PLPPR2: variants seen among roughly 807,000 people sequenced by gnomAD.
PLPPR2 encodes the protein phospholipid phosphatase-related protein type 2.
Under a neutral mutation model 40.3 loss-of-function variants are expected in PLPPR2, and 11 were observed. The observed-to-expected ratio is 0.27, with a 90% CI of 0.17 to 0.45. The LOEUF (loss-of-function observed/expected upper bound fraction) is 0.45. Ranked by LOEUF, PLPPR2 falls within the 20% of genes least tolerant of loss-of-function variation. The probability of loss-of-function intolerance (pLI) is 1.00; values close to 1 mark genes in which losing one functional copy is unlikely to be tolerated. For synonymous variants in PLPPR2, 260 were observed against 290.8 expected (o/e 0.89, Z 1.08); for missense variants, 497 against 640.7 (o/e 0.78, Z 2.42).
rs770838875 is a variant in PLPPR2, at chr19:11,362,707, C to T, written c.840+18C>T. 2.6e-5 allele frequency: 41 copies of T among 1,605,026 alleles called. No homozygotes were observed. The highest frequency in any genetic ancestry group is 3.5e-5 in the Non-Finnish European group (41 of 1,174,782). On this transcript the variant is annotated intron_variant, in intron 7 of 9. Transcript: ENST00000688289. The surrounding 1 kb of genome is among the most constrained non-coding windows in gnomAD (Gnocchi z 5.3). The stretch of plus-strand genomic sequence containing the variant: ...CCTTTTTGGTGAGTTGCCTCCTCAA[C>T]CTTCCCAGCATGGAAGACCCTCACC...
In PLPPR2 at chr19:11,359,492, T is replaced by C. The variant is rs1448010051; in HGVS notation, c.67-40T>C. 6.7e-7 allele frequency: 1 copy of C among 1,500,466 alleles called. No homozygotes were observed. The highest frequency in any genetic ancestry group is 2.4e-5 in the East Asian group (1 of 41,706). 92.9% of individuals were successfully genotyped at this position (1,500,466 alleles called of 1,614,324 possible). A position where few individuals can be genotyped will look rare whatever the true frequency, so the allele number is the denominator to read the frequency against. The stretch of plus-strand genomic sequence containing the variant: ...TCAGCTGGAGTCCTGACCTCTCTCT[T>C]CTCTCTCCGCCACCTCTCCCCGCCC... On this transcript the variant is annotated intron_variant, in intron 3 of 9. Transcript: ENST00000688289. The surrounding 1 kb of genome is among the most constrained non-coding windows in gnomAD (Gnocchi z 5.6).
rs1967957744 is a variant in PLPPR2 at position 11,358,625 on chromosome 19, T to C, written c.66+886T>C. Among the ~76,000 whole-genome samples the C allele has an allele frequency of 2.0e-5, 3 of 150,824 alleles. No homozygotes were observed. The East Asian group carries it at 5.8e-4, about 29-fold the overall frequency. On this transcript the variant is annotated intron_variant, in intron 3 of 9. Coordinates refer to ENST00000688289, the MANE Select transcript of PLPPR2 (RefSeq NM_001393892.1). ...CCTTTCCCTTCTCTTTCCTCTTGCT[T>C]TCTCCTCTTCTCCCCTCCTTTCCTG...
At position 11,362,534 on chromosome 19, in the gene PLPPR2, C is replaced by G. The variant is rs1333309746; in HGVS notation, c.685C>G (p.Arg229Gly). ...YTAMYVTLVFRVKGSRLVKPS... is the reference protein window; with the variant it reads ...YTAMYVTLVFGVKGSRLVKPS... ...GCAGATGTACGTGACTCTCGTGTTC[C>G]GCGTGAAGGGCTCCCGCCTGGTCAA... The change falls in exon 7 of 10, where the codon CGC (arginine) becomes GGC (glycine). Residue 229 changes from arginine (R) to glycine (G), a missense_variant. By Grantham distance (125) the Arg-to-Gly change is moderately radical (BLOSUM62 -2). Coordinates refer to ENST00000688289, the MANE Select transcript of PLPPR2 (RefSeq NM_001393892.1). This position sits in a 1 kb window ranked among gnomAD's most constrained non-coding sequence, Gnocchi z 5.3. 1 of 1,610,820 alleles carries G rather than the reference C, an allele frequency of 6.2e-7. No individual in the cohort carries two copies. Among genetic ancestry groups the G allele is most frequent in the South Asian group, 1.1e-5 (1 of 91,090 alleles).
rs56891732 is a variant in PLPPR2 at position 11,363,511 on chromosome 19, G to C, written c.841-202G>C. The stretch of plus-strand genomic sequence containing the variant: ...GTACAACTTGGTCTTACTTACTTTA[G>C]CCTAGTGTGGGGTCTGTGGGATAAA... On this transcript the variant is annotated intron_variant, in intron 7 of 9. Coordinates refer to ENST00000688289, the MANE Select transcript of PLPPR2 (RefSeq NM_001393892.1). The surrounding 1 kb of genome is among the most constrained non-coding windows in gnomAD (Gnocchi z 4.8). Among the ~76,000 whole-genome samples, 572 of 152,270 alleles carry C rather than the reference G, an allele frequency of 3.8e-3. 5 individuals are homozygous for C. The highest frequency in any genetic ancestry group is 0.013 in the African/African-American group (553 of 41,564).
rs1397916477 is a variant in PLPPR2, at chr19:11,361,682, T to C, written c.663+194T>C. On this transcript the variant is annotated intron_variant, in intron 6 of 9. Coordinates refer to ENST00000688289, the MANE Select transcript of PLPPR2 (RefSeq NM_001393892.1). The surrounding 1 kb of genome is among the most constrained non-coding windows in gnomAD (Gnocchi z 6.3). ...CCTAGCCACGCCCCCAGTCAGAGGC[T>C]ATCGCTGTCCATTGACTCCGCCCCT... 6.6e-6 allele frequency among the ~76,000 whole-genome samples: 1 copy of C among 152,090 alleles called. No individual in the cohort carries two copies. Among genetic ancestry groups the C allele is most frequent in the Non-Finnish European group, 1.5e-5 (1 of 67,974 alleles).
chr19:11,359,983 C>A lies in PLPPR2; in HGVS notation c.391+27C>A. 6.4e-7 allele frequency: 1 copy of A among 1,573,360 alleles called. No individual in the cohort carries two copies. The highest frequency in any genetic ancestry group is 2.3e-5 in the East Asian group (1 of 44,112). On this transcript the variant is annotated intron_variant, in intron 5 of 9. Coordinates refer to ENST00000688289, the MANE Select transcript of PLPPR2 (RefSeq NM_001393892.1). The surrounding 1 kb of genome is among the most constrained non-coding windows in gnomAD (Gnocchi z 5.6). ...TGAGAGACATGGCCTGGGGTCAGCC[C>A]CATGGTAATGGTGGGGAGGTGGGTA...
In PLPPR2 at chr19:11,361,272, G is replaced by T; in HGVS notation, c.447G>T (p.Val149=). ...CCATCTTCGCCAACGCGGGGCAGGT[G>T]GTGACCGGCAATCCCACGCCACACT... The part of the protein sequence containing the change: ...TTTIFANAGQ[V]VTGNPTPHFL... Residue 149 remains valine, a synonymous_variant, in exon 6 of 10, where the codon GTG becomes GTT. Transcript: ENST00000688289. The surrounding 1 kb of genome is among the most constrained non-coding windows in gnomAD (Gnocchi z 6.3). The T allele has an allele frequency of 6.2e-6, 10 of 1,613,520 alleles. No individual in the cohort carries two copies. The highest frequency in any genetic ancestry group is 8.5e-6 in the Non-Finnish European group (10 of 1,179,946).
rs775065768 is a variant in PLPPR2 at position 11,364,113 on chromosome 19, T to C, written c.964-48T>C. On this transcript the variant is annotated intron_variant, in intron 8 of 9. Coordinates refer to ENST00000688289, the MANE Select transcript of PLPPR2 (RefSeq NM_001393892.1). This position sits in a 1 kb window ranked among gnomAD's most constrained non-coding sequence, Gnocchi z 5.8. ...ATGAGCTCCTTGTGGCTGTGGCCGG[T>C]AGGGCCCAGGGGGCCACTAGCCCCT... The C allele has an allele frequency of 1.9e-6, 3 of 1,569,700 alleles. No homozygotes were observed. In the Admixed American group the frequency reaches 5.6e-5, roughly 29 times the overall value.
chr19:11,359,788 G>A lies in PLPPR2; in HGVS notation c.256-33G>A, dbSNP rs1967993250. 6 of 1,593,068 alleles carry A rather than the reference G, an allele frequency of 3.8e-6. No homozygotes were observed. Among genetic ancestry groups the A allele is most frequent in the Non-Finnish European group, 5.1e-6 (6 of 1,165,160 alleles). ...GGGTGGGTGAGGGGATGGGCTGGAA[G>A]GCCAGAAGACTCCATCTTGGTCTTG... On this transcript the variant is annotated intron_variant, in intron 4 of 9. Coordinates refer to ENST00000688289, the MANE Select transcript of PLPPR2 (RefSeq NM_001393892.1). The surrounding 1 kb of genome is among the most constrained non-coding windows in gnomAD (Gnocchi z 5.6).
chr19:11,361,009 A>C lies in PLPPR2; in HGVS notation c.392-208A>C, dbSNP rs1968027931. Among the ~76,000 whole-genome samples the C allele has an allele frequency of 6.6e-6, 1 of 151,954 alleles. No individual in the cohort carries two copies. Among genetic ancestry groups the C allele is most frequent in the Non-Finnish European group, 1.5e-5 (1 of 67,942 alleles). On this transcript the variant is annotated intron_variant, in intron 5 of 9. Coordinates refer to ENST00000688289, the MANE Select transcript of PLPPR2 (RefSeq NM_001393892.1). This position sits in a 1 kb window ranked among gnomAD's most constrained non-coding sequence, Gnocchi z 6.3. Reference sequence around the variant, plus strand: ...CTGACATAGTGGTAATCCTAGAAAGACAGGGGCCAGATAATGAGGGTCCCT... The same window carrying C: ...CTGACATAGTGGTAATCCTAGAAAGCCAGGGGCCAGATAATGAGGGTCCCT...
chr19:11,359,670 G>A lies in PLPPR2; in HGVS notation c.205G>A (p.Val69Met). Residue 69 changes from valine (V) to methionine (M), a missense_variant, in exon 4 of 10, where the codon GTG becomes ATG. Val to Met is a conservative substitution (Grantham distance 21). Coordinates refer to ENST00000688289, the MANE Select transcript of PLPPR2 (RefSeq NM_001393892.1). The surrounding 1 kb of genome is among the most constrained non-coding windows in gnomAD (Gnocchi z 5.6). ...CCCAGGGCCTGAGGCTGCCAGCCGA[G>A]TGCCTCCTGCTCTTGTCTACGCACT... ...PYPGPEAASR[V>M]PPALVYALVT... 6.2e-7 allele frequency: 1 copy of A among 1,611,534 alleles called. No individual in the cohort carries two copies. Among genetic ancestry groups the A allele is most frequent in the East Asian group, 2.2e-5 (1 of 44,840 alleles).
chr19:11,359,516 C>G lies in PLPPR2; in HGVS notation c.67-16C>G. ...TTCTCTCTCCGCCACCTCTCCCCGC[C>G]CTGGCTTGGTGGCAGTCGGTGCTGC... is the stretch of plus-strand genomic sequence containing the variant. On this transcript the variant is annotated splice_polypyrimidine_tract_variant and intron_variant, in intron 3 of 9. Transcript: ENST00000688289. This position sits in a 1 kb window ranked among gnomAD's most constrained non-coding sequence, Gnocchi z 5.6. 1 of 1,525,282 alleles carries G rather than the reference C, an allele frequency of 6.6e-7. No homozygotes were observed. Among genetic ancestry groups the G allele is most frequent in the Non-Finnish European group, 8.8e-7 (1 of 1,132,694 alleles). The allele number at this position is 1,525,282 out of a possible 1,614,324, so 94.5% of individuals were successfully genotyped here. A position where few individuals can be genotyped will look rare whatever the true frequency, so the allele number is the denominator to read the frequency against.
Position 11,364,593 on chromosome 19 carries a change from T to C in PLPPR2, c.1262T>C (p.Leu421Pro), listed in dbSNP as rs1485628064. Residue 421 changes from leucine to proline, a missense_variant, in exon 10 of 10, where the codon CTG becomes CCG. Coordinates refer to ENST00000688289, the MANE Select transcript of PLPPR2 (RefSeq NM_001393892.1). The surrounding 1 kb of genome is among the most constrained non-coding windows in gnomAD (Gnocchi z 5.8). Reference sequence around the variant, plus strand: ...AAGCTGCTGCTGCCCACGCCCCTGCTGCGGGACCTGTACACCCTGAGTGGA... The same window carrying C: ...AAGCTGCTGCTGCCCACGCCCCTGCCGCGGGACCTGTACACCCTGAGTGGA... ...GRKLLLPTPL[L>P]RDLYTLSGLY... The C allele has an allele frequency of 6.5e-7, 1 of 1,537,150 alleles. No homozygotes were observed. The highest frequency in any genetic ancestry group is 8.7e-7 in the Non-Finnish European group (1 of 1,146,876).
rs769802803 is a variant in PLPPR2, at chr19:11,362,586, G to C, written c.737G>C (p.Cys246Ser). Residue 246 changes from cysteine to serine, a missense_variant, in exon 7 of 10, where the codon TGC (cysteine) becomes TCC (serine). By Grantham distance (112) the Cys-to-Ser change is moderately radical. Transcript: ENST00000688289. This position sits in a 1 kb window ranked among gnomAD's most constrained non-coding sequence, Gnocchi z 5.3. ...VKPSLCLALL[C>S]PAFLVGVVRV... ...CCCTCGCTCTGCCTGGCCTTGCTGT[G>C]CCCGGCCTTCCTGGTGGGCGTGGTC... is the stretch of plus-strand genomic sequence containing the variant. The C allele has an allele frequency of 6.2e-7, 1 of 1,613,156 alleles. No individual in the cohort carries two copies. The highest frequency in any genetic ancestry group is 8.5e-7 in the Non-Finnish European group (1 of 1,180,012).
intron 2 of PLPPR2, among the ~76,000 whole-genome samples, chr19:11,357,326 C>T (rs896991279): frequency 6.6e-6 from 1 of 152,026 alleles, no homozygotes; most frequent in African/African-American, 2.4e-5. Flanking sequence ...GGAGGGGTTC[C>T]CATGAGGCTG....
In PLPPR2 at chr19:11,361,428, G is replaced by A. The variant is rs756982148; in HGVS notation, c.603G>A (p.Ala201=). ...GCAGTCCCAGCCTCGTGGCCGCCGC[G>A]CGCCGCGCCTTCCCCTGCAAGGATG... ...CAGSPSLVAA[A]RRAFPCKDAA... Residue 201 remains alanine, a synonymous_variant, in exon 6 of 10, where the codon GCG becomes GCA. Coordinates refer to ENST00000688289, the MANE Select transcript of PLPPR2 (RefSeq NM_001393892.1). The surrounding 1 kb of genome is among the most constrained non-coding windows in gnomAD (Gnocchi z 6.3). 2.5e-6 allele frequency: 4 copies of A among 1,606,162 alleles called. No homozygotes were observed. The highest frequency in any genetic ancestry group is 1.7e-5 in the Admixed American group (1 of 59,936).
In PLPPR2 at chr19:11,361,340, T is replaced by A. The variant is rs1364683936; in HGVS notation, c.515T>A (p.Leu172Gln). The A allele has an allele frequency of 3.1e-6, 5 of 1,613,570 alleles. No individual in the cohort carries two copies. Among genetic ancestry groups the A allele is most frequent in the Non-Finnish European group, 4.2e-6 (5 of 1,179,972 alleles). The change falls in exon 6 of 10, where the codon CTG becomes CAG. Residue 172 changes from leucine (L) to glutamine (Q), a missense_variant. Coordinates refer to ENST00000688289, the MANE Select transcript of PLPPR2 (RefSeq NM_001393892.1). This position sits in a 1 kb window ranked among gnomAD's most constrained non-coding sequence, Gnocchi z 6.3. ...CRPNYTALGC[L>Q]PPSPDRPGPD... ...CCCAACTACACGGCCCTGGGCTGCC[T>A]GCCACCTTCTCCGGATCGGCCAGGT...
chr19:11,356,664 T>TTGTGTG (rs66994507), intron 1 of PLPPR2, 138 bp from the exon 2 acceptor site: 30,783 of 145,748 alleles, frequency 0.21, 3,585 homozygotes, highest in East Asian at 0.36. Flanking sequence ...TATGCCATGG[T>TTGTGTG]TGTGTGTGTG....
At position 11,362,762 on chromosome 19, in the gene PLPPR2, T is replaced by C; in HGVS notation, c.840+73T>C. 6.6e-7 allele frequency: 1 copy of C among 1,517,304 alleles called. No homozygotes were observed. Among genetic ancestry groups the C allele is most frequent in the Non-Finnish European group, 8.9e-7 (1 of 1,119,002 alleles). 94.0% of individuals were successfully genotyped at this position (1,517,304 alleles called of 1,614,324 possible). The stretch of plus-strand genomic sequence containing the variant: ...CTCTGACCCAAGAGGCAGGACCACA[T>C]GATGGAGAAGGGTGTGGACTCTGTG... On this transcript the variant is annotated intron_variant, in intron 7 of 9. Transcript: ENST00000688289. The surrounding 1 kb of genome is among the most constrained non-coding windows in gnomAD (Gnocchi z 5.3).
Sources: allele counts gnomAD v4.1 joint callset (sites outside exome capture counted in the v4.1 genomes callset), GRCh38; gene constraint gnomAD v4.1.1; non-coding constraint Gnocchi (gnomAD v3.1); transcripts MANE v1.5; gene names NCBI Gene and HGNC (gene_info 2026-07-23, HGNC 2026-07-21).